The following CSMD1 variants were observed in gnomAD, a reference collection of about 807,000 sequenced individuals.
CSMD1 encodes CUB and sushi domain-containing protein 1.
A neutral mutation model predicts 417.5 loss-of-function variants in CSMD1; 213 were observed. The observed-to-expected ratio is 0.51, with a 90% CI of 0.46 to 0.57. The LOEUF (loss-of-function observed/expected upper bound fraction) is 0.57. Ranked by LOEUF, CSMD1 falls within the 20% of genes least tolerant of loss-of-function variation. The probability of loss-of-function intolerance (pLI) is 0.00; values close to 1 mark genes in which losing one functional copy is unlikely to be tolerated. For synonymous variants in CSMD1, 2,862 were observed against 1,736.8 expected (o/e 1.65, Z -16.11); for missense variants, 6,923 against 4,529.7 (o/e 1.53, Z -15.17).
At chr8:3,733,635 T>C (rs902253312) in intron 6 of CSMD1, among the ~76,000 whole-genome samples, 1 of 152,186 alleles carries the variant, frequency 6.6e-6, no homozygotes, top group East Asian at 1.9e-4. Context: ...GAATCATTCC[T>C]CTGTCCAGAA....
At chr8:4,935,400 T>C (rs189456889) in intron 1 of CSMD1, among the ~76,000 whole-genome samples, 1 of 152,334 alleles carries the variant, frequency 6.6e-6, no homozygotes, top group African/African-American at 2.4e-5. Context: ...AAAAGCCCTA[T>C]TACTCTGTGT....
chr8:4,340,534 G>A (rs945568722), intron 3 of CSMD1, among the ~76,000 whole-genome samples: 10 of 152,022 alleles, frequency 6.6e-5, no homozygotes, highest in African/African-American at 2.2e-4. Context: ...TATGTCAGAT[G>A]AATCAAAGCA....
intron 12 of CSMD1, among the ~76,000 whole-genome samples, chr8:3,459,711 G>T (rs1392256473): frequency 6.6e-6 from 1 of 152,096 alleles, no homozygotes; most frequent in African/African-American, 2.4e-5. Context: ...GTTCCGAAAG[G>T]TCATCATTCA....
intron 10 of CSMD1, among the ~76,000 whole-genome samples, chr8:3,539,279 G>C (rs1196842483): frequency 6.6e-6 from 1 of 152,142 alleles, no homozygotes; most frequent in Non-Finnish European, 1.5e-5. Flanking sequence ...AGATTAAATG[G>C]TTGTCTTCCC....
Position 4,422,361 on chromosome 8 carries a change from C to T in CSMD1, c.303-2296G>A, listed in dbSNP as rs138096222. ...ACCAATTCATATACTGAAGCCCCAA[C>T]CCCCAACATAACTAGATTTGGAAAT... is the stretch of plus-strand genomic sequence containing the variant. On this transcript the variant is annotated intron_variant, in intron 2 of 69. Coordinates refer to ENST00000635120, the MANE Select transcript of CSMD1 (RefSeq NM_033225.6). Among the ~76,000 whole-genome samples the T allele has an allele frequency of 4.7e-3, 708 of 152,146 alleles. 6 individuals are homozygous for T. The highest frequency in any genetic ancestry group is 4.2e-3 in the Non-Finnish European group (285 of 67,980).
At chr8:3,266,147 A>T (rs559058864) in intron 26 of CSMD1, among the ~76,000 whole-genome samples, 1 of 151,424 alleles carries the variant, frequency 6.6e-6, no homozygotes, top group South Asian at 2.1e-4. Context: ...TGATGTCCTG[A>T]GACCAACCCT....
chr8:3,781,703 T>G (rs80315033), intron 5 of CSMD1, among the ~76,000 whole-genome samples: 4,241 of 152,246 alleles, frequency 0.028, 198 homozygotes, highest in East Asian at 0.15. Context: ...CTACGGAGGT[T>G]CTAGGGTGTC....
At chr8:3,943,372 G>C (rs1187730132) in intron 5 of CSMD1, among the ~76,000 whole-genome samples, 1 of 141,534 alleles carries the variant, frequency 7.1e-6, no homozygotes, top group African/African-American at 2.6e-5. Flanking sequence ...AAAAAAAAAA[G>C]TCAGATAGCT....
intron 3 of CSMD1, among the ~76,000 whole-genome samples, chr8:4,259,649 C>G (rs1280841692): frequency 6.6e-6 from 1 of 152,084 alleles, no homozygotes; most frequent in Non-Finnish European, 1.5e-5. Flanking sequence ...AAAACAATGC[C>G]ATTCTTCCCC....
intron 52 of CSMD1, among the ~76,000 whole-genome samples, chr8:3,000,620 C>A (rs567676277): frequency 6.6e-6 from 1 of 152,216 alleles, no homozygotes; most frequent in Admixed American, 6.5e-5. Flanking sequence ...AGAATAAGTT[C>A]AATTTCAATT....
chr8:4,319,492 A>T (rs1799136782), intron 3 of CSMD1, among the ~76,000 whole-genome samples: 2 of 152,246 alleles, frequency 1.3e-5, no homozygotes, highest in South Asian at 2.1e-4. Context: ...GATAGCAGGG[A>T]CCAGATTTAC....
At chr8:3,546,721 A>C (rs1279229378) in intron 10 of CSMD1, among the ~76,000 whole-genome samples, 4 of 152,182 alleles carry the variant, frequency 2.6e-5, no homozygotes, top group Non-Finnish European at 5.9e-5. Context: ...GGAATTACTG[A>C]AGATAAAAGG....
At chr8:4,732,213 A>T (rs1356387816) in intron 1 of CSMD1, among the ~76,000 whole-genome samples, 1 of 152,128 alleles carries the variant, frequency 6.6e-6, no homozygotes, top group African/African-American at 2.4e-5. Flanking sequence ...GATGTATCAG[A>T]CCCCATGGGT....
intron 12 of CSMD1, among the ~76,000 whole-genome samples, chr8:3,415,392 C>T (rs1272427098): frequency 5.3e-5 from 8 of 152,230 alleles, no homozygotes; most frequent in Non-Finnish European, 1.5e-5. Flanking sequence ...GAGCCTCGCT[C>T]TGTCACCCAG....
At chr8:3,947,620 G>C (rs907976708) in intron 5 of CSMD1, among the ~76,000 whole-genome samples, 1 of 150,934 alleles carries the variant, frequency 6.6e-6, no homozygotes, top group Non-Finnish European at 1.5e-5. Flanking sequence ...CCAAATACGA[G>C]GAGCTTTCCC....
intron 4 of CSMD1, among the ~76,000 whole-genome samples, chr8:4,011,999 C>T (rs117939126): frequency 6.6e-6 from 1 of 151,070 alleles, no homozygotes; most frequent in South Asian, 2.1e-4. Flanking sequence ...GGCTGTTATA[C>T]TGTATTGTTT....
chr8:3,310,849 C>G (rs376305510), intron 23 of CSMD1, among the ~76,000 whole-genome samples: 1 of 151,576 alleles, frequency 6.6e-6, no homozygotes, highest in Non-Finnish European at 1.5e-5. Flanking sequence ...GTGACCCGAA[C>G]TTCTCGTTTT....
At chr8:4,624,567 G>C (rs1354677560) in intron 2 of CSMD1, among the ~76,000 whole-genome samples, 1 of 152,160 alleles carries the variant, frequency 6.6e-6, no homozygotes, top group African/African-American at 2.4e-5. Flanking sequence ...ACATATTGAA[G>C]ATTCTTTGCT....
rs115478026 is a variant in CSMD1 at position 3,872,440 on chromosome 8, G to A, written c.819-118398C>T. Reference sequence around the variant, plus strand: ...AGTGTCCAGTTAAAACGCATTATCCGAAGCCCACTGTGCAAATGAAAAAGC... The same window carrying A: ...AGTGTCCAGTTAAAACGCATTATCCAAAGCCCACTGTGCAAATGAAAAAGC... On this transcript the variant is annotated intron_variant, in intron 5 of 69. Transcript: ENST00000635120. Among the ~76,000 whole-genome samples the A allele has an allele frequency of 1.2e-3, 186 of 152,190 alleles. 1 individual carries two copies. The highest frequency in any genetic ancestry group is 4.3e-3 in the African/African-American group (179 of 41,506).
Sources: allele counts gnomAD v4.1 joint callset (sites outside exome capture counted in the v4.1 genomes callset), GRCh38; gene constraint gnomAD v4.1.1; transcripts MANE v1.5; gene names NCBI Gene and HGNC (gene_info 2026-07-23, HGNC 2026-07-21).